The following RTKN2 variants were observed in gnomAD, a reference collection of about 807,000 sequenced individuals.
RTKN2 encodes the protein rhotekin-2.
Under a neutral mutation model 71.5 loss-of-function variants are expected in RTKN2, and 69 were observed. The observed-to-expected ratio is 0.96, with a 90% CI of 0.79 to 1.18. The LOEUF (loss-of-function observed/expected upper bound fraction) is 1.18. Among genes scored for constraint, RTKN2 ranks in the 50% most tolerant of loss-of-function variants. The pLI is 0.00. For missense variants in RTKN2, 724 were observed against 719.7 expected (o/e 1.01, Z -0.07); for synonymous variants, 236 against 236.5 (o/e 1.00, Z 0.02).
In RTKN2 at chr10:62,268,593, C is replaced by T; in HGVS notation, c.18G>A (p.Leu6=). Residue 6 remains leucine, a synonymous_variant, in exon 1 of 12, where the codon CTG becomes CTA. Coordinates refer to ENST00000373789, the MANE Select transcript of RTKN2 (RefSeq NM_145307.4). ...CCGCCAGGCGGAGCGCAGGACCCCT[C>T]AGGCTCGGCCCCTCCATCTCCAACG... The part of the protein sequence containing the change: MEGPS[L]RGPALRLAGL... 1 of 1,565,030 alleles carries T rather than the reference C, an allele frequency of 6.4e-7. No homozygotes were observed. The highest frequency in any genetic ancestry group is 8.7e-7 in the Non-Finnish European group (1 of 1,154,588).
At position 62,197,034 on chromosome 10, in the gene RTKN2, T is replaced by G; in HGVS notation, c.*874A>C. 3 of 975,766 alleles carry G rather than the reference T, an allele frequency of 3.1e-6. No homozygotes were observed. Among genetic ancestry groups the G allele is most frequent in the Non-Finnish European group, 3.7e-6 (3 of 821,216 alleles). The allele number at this position is 975,766 out of a possible 1,614,324, so 60.4% of individuals were successfully genotyped here. ...TCTAATTAAAATTTTAAAAAAGAAT[T>G]CTGAAAATTATTTACCATGGCCAAC... On this transcript the variant is annotated 3_prime_UTR_variant, in exon 12 of 12. Coordinates refer to ENST00000373789, the MANE Select transcript of RTKN2 (RefSeq NM_145307.4).
Position 62,217,140 on chromosome 10 carries a change from G to T in RTKN2, c.998C>A (p.Ala333Asp), listed in dbSNP as rs757049077. 2 of 1,583,146 alleles carry T rather than the reference G, an allele frequency of 1.3e-6. No individual in the cohort carries two copies. The highest frequency in any genetic ancestry group is 3.6e-5 in the Admixed American group (2 of 55,954). Residue 333 changes from alanine (A) to aspartate (D), a missense_variant, in exon 9 of 12, where the codon GCT becomes GAT. By Grantham distance (126) the Ala-to-Asp change is moderately radical (BLOSUM62 -2). Coordinates refer to ENST00000373789, the MANE Select transcript of RTKN2 (RefSeq NM_145307.4). ...TACCTTGTTAATGGGTACTACCAAA[G>T]CTGGTTCCACTTTAGCTTCAATTTC... The part of the protein sequence containing the change: ...PEEIEAKVEP[A>D]LVVPINKETR...
chr10:62,203,342 ATTTTT>A (rs35304270), intron 10 of RTKN2, among the ~76,000 whole-genome samples: 2 of 143,526 alleles, frequency 1.4e-5, no homozygotes, highest in Non-Finnish European at 3.0e-5. Context: ...GATCTGCTGA[ATTTTT>A]TTTTTTTTTT....
At chr10:62,214,955 TC>T (rs1841736426) in intron 9 of RTKN2, 5 of 671,838 alleles carry the variant, frequency 7.4e-6, no homozygotes, top group Admixed American at 3.3e-5. Flanking sequence ...CTATCTGATC[TC>T]TGAGACTATT....
At position 62,262,724 on chromosome 10, in the gene RTKN2, T is replaced by C; in HGVS notation, c.158A>G (p.His53Arg). The change falls in exon 2 of 12, where the codon CAT (histidine) becomes CGT (arginine). Residue 53 changes from histidine to arginine, a missense_variant. Transcript: ENST00000373789. ...SLSTQKDQVL[H>R]AVKNLMVCNA... is the part of the protein sequence containing the mutation. ...GCACACCATGAGATTCTTAACTGCA[T>C]GTAAAACTTGATCTTTCTGAGTGCT... 3 of 1,613,482 alleles carry C rather than the reference T, an allele frequency of 1.9e-6. No homozygotes were observed. Among genetic ancestry groups the C allele is most frequent in the Non-Finnish European group, 2.5e-6 (3 of 1,179,444 alleles).
rs760337992 is a variant in RTKN2, at chr10:62,223,374, T to A, written c.687-42A>T. On this transcript the variant is annotated intron_variant, in intron 6 of 11. Coordinates refer to ENST00000373789, the MANE Select transcript of RTKN2 (RefSeq NM_145307.4). ...AGACATGTTTTAAGTATTTTTGTAT[T>A]TCTACTACTACACAAAATATTTGTA... 2.5e-5 allele frequency: 29 copies of A among 1,141,604 alleles called. No individual in the cohort carries two copies. In the Middle Eastern group the frequency reaches 6.1e-4, roughly 24 times the overall value. 70.7% of individuals were successfully genotyped at this position (1,141,604 alleles called of 1,614,324 possible).
intron 9 of RTKN2, among the ~76,000 whole-genome samples, chr10:62,216,546 T>C (rs1345658406): frequency 6.6e-6 from 1 of 152,088 alleles, no homozygotes; most frequent in Non-Finnish European, 1.5e-5. Flanking sequence ...AAATTGTAGC[T>C]AGATTTCAAT....
At chr10:62,247,109 A>G (rs1408587288) in intron 2 of RTKN2, among the ~76,000 whole-genome samples, 2 of 151,998 alleles carry the variant, frequency 1.3e-5, no homozygotes, top group African/African-American at 4.8e-5. Context: ...ATATTGTTTG[A>G]TTCTAAGAAG....
In RTKN2 at chr10:62,241,165, G is replaced by A; in HGVS notation, c.347C>T (p.Ser116Phe). The A allele has an allele frequency of 1.3e-6, 2 of 1,560,196 alleles. No homozygotes were observed. The highest frequency in any genetic ancestry group is 1.7e-4 in the Middle Eastern group (1 of 5,936). ...ACGTTCTTTATTGCTGAAGTGATCAGAGTCTTTCCACATTAGTGGTATTCG... is the reference window on the plus strand; with the variant it reads ...ACGTTCTTTATTGCTGAAGTGATCAAAGTCTTTCCACATTAGTGGTATTCG... Reference protein sequence around the residue: ...DIRIPLMWKDSDHFSNKERSR... With the variant: ...DIRIPLMWKDFDHFSNKERSR... The change falls in exon 4 of 12, where the codon TCT becomes TTT. Residue 116 changes from serine to phenylalanine, a missense_variant. By Grantham distance (155) the Ser-to-Phe change is radical. Coordinates refer to ENST00000373789, the MANE Select transcript of RTKN2 (RefSeq NM_145307.4).
rs368203467 is a variant in RTKN2, at chr10:62,235,477, A to G, written c.686+589T>C. On this transcript the variant is annotated intron_variant, in intron 6 of 11. Transcript: ENST00000373789. ...TTTTTTTGGTAGATACAAGCTGAGC[A>G]TCTCTGCTCTGAAAATCTGAAATGC... Among the ~76,000 whole-genome samples, 63 of 152,278 alleles carry G rather than the reference A, an allele frequency of 4.1e-4. 1 individual carries two copies. In the South Asian group the frequency reaches 0.012, roughly 30 times the overall value.
chr10:62,259,841 T>C (rs919303274), intron 2 of RTKN2, among the ~76,000 whole-genome samples: 2 of 152,104 alleles, frequency 1.3e-5, no homozygotes, highest in Non-Finnish European at 1.5e-5. Context: ...TGTGAACCAC[T>C]TCACCCGGCC....
chr10:62,192,663 C>T (rs79986133), downstream of RTKN2, among the ~76,000 whole-genome samples: 757 of 152,292 alleles, frequency 5.0e-3, 2 homozygotes, highest in African/African-American at 0.017. Context: ...AGGCTTGATG[C>T]ACTGTTGCTG....
intron 7 of RTKN2, among the ~76,000 whole-genome samples, chr10:62,222,663 T>C (rs537626807): frequency 6.6e-6 from 1 of 152,280 alleles, no homozygotes; most frequent in African/African-American, 2.4e-5. Context: ...CTGCTCCATA[T>C]TTTTTCATCA....
intron 9 of RTKN2, among the ~76,000 whole-genome samples, chr10:62,215,799 A>G (rs1047129017): frequency 1.3e-5 from 2 of 152,040 alleles, no homozygotes; most frequent in East Asian, 1.9e-4. Flanking sequence ...TCAAAAGACT[A>G]AAGTATGAAA....
At chr10:62,204,766 A>G (rs1375631487) in intron 10 of RTKN2, 91 bp downstream of exon 10, 6 of 1,011,754 alleles carry the variant, frequency 5.9e-6, no homozygotes, top group Middle Eastern at 3.3e-4. Context: ...AATTTTTGCT[A>G]CAAACTCTAA....
At chr10:62,257,974 T>C (rs546431859) in intron 2 of RTKN2, among the ~76,000 whole-genome samples, 2 of 152,268 alleles carry the variant, frequency 1.3e-5, no homozygotes, top group South Asian at 4.1e-4. Flanking sequence ...TGTTCAAGCA[T>C]AAAGAACAGG....
chr10:62,194,104 C>T lies in RTKN2; in HGVS notation c.*3804G>A. 1.0e-6 allele frequency: 1 copy of T among 980,720 alleles called. No homozygotes were observed. The highest frequency in any genetic ancestry group is 1.2e-6 in the Non-Finnish European group (1 of 825,716). 60.8% of individuals were successfully genotyped at this position (980,720 alleles called of 1,614,324 possible). On this transcript the variant is annotated 3_prime_UTR_variant, in exon 12 of 12. Transcript: ENST00000373789. ...AAAAATGTATGTCCATGATATAATA[C>T]TTTTTAATCCAAAAGTCTGACCCAT...
Position 62,195,989 on chromosome 10 carries a change from A to G in RTKN2, c.*1919T>C. On this transcript the variant is annotated 3_prime_UTR_variant, in exon 12 of 12. Coordinates refer to ENST00000373789, the MANE Select transcript of RTKN2 (RefSeq NM_145307.4). ...TGTTATCTGCATGAGGAAAAATGAC[A>G]AGAATATAATCTGGAAGTTTTAATA... The G allele has an allele frequency of 1.0e-6, 1 of 985,174 alleles. No individual in the cohort carries two copies. Among genetic ancestry groups the G allele is most frequent in the Non-Finnish European group, 1.2e-6 (1 of 829,718 alleles). 61.0% of individuals were successfully genotyped at this position (985,174 alleles called of 1,614,324 possible).
At chr10:62,259,772 G>C (rs1444131748) in intron 2 of RTKN2, among the ~76,000 whole-genome samples, 3 of 151,974 alleles carry the variant, frequency 2.0e-5, no homozygotes, top group Non-Finnish European at 4.4e-5. Flanking sequence ...AGCTGATCTC[G>C]AACTCCTGAG....
Sources: allele counts gnomAD v4.1 joint callset (sites outside exome capture counted in the v4.1 genomes callset), GRCh38; gene constraint gnomAD v4.1.1; transcripts MANE v1.5; gene names NCBI Gene and HGNC (gene_info 2026-07-23, HGNC 2026-07-21).